Variants in NIBAN1 observed in about 807,000 individuals in gnomAD.
The protein encoded by NIBAN1 is niban apoptosis regulator 1, also known as protein Niban 1.
NIBAN1 carries 81 observed loss-of-function variants against 75.1 expected under a neutral mutation model. The observed-to-expected ratio is 1.08, with a 90% CI of 0.90 to 1.30. The LOEUF (loss-of-function observed/expected upper bound fraction) is 1.30. Among genes scored for constraint, NIBAN1 ranks in the 50% most tolerant of loss-of-function variants. The pLI is 0.00. For missense variants in NIBAN1, 1,133 were observed against 1,128.1 expected (o/e 1.00, Z -0.06); for synonymous variants, 436 against 424.8 (o/e 1.03, Z -0.32).
At chr1:184,926,224 A>G (rs1008223681) in intron 1 of NIBAN1, among the ~76,000 whole-genome samples, 2 of 151,908 alleles carry the variant, frequency 1.3e-5, no homozygotes, top group African/African-American at 4.8e-5. Context: ...GCTCCATCGT[A>G]TGTTTTTTAT....
chr1:184,828,817 T>G (rs1039636433), intron 6 of NIBAN1, among the ~76,000 whole-genome samples: 8 of 152,152 alleles, frequency 5.3e-5, no homozygotes, highest in Admixed American at 5.2e-4. Context: ...CCATTTTTTT[T>G]TTTTTTGAGA....
At chr1:184,970,603 C>G (rs1658911587) in intron 1 of NIBAN1, among the ~76,000 whole-genome samples, 1 of 152,212 alleles carries the variant, frequency 6.6e-6, no homozygotes, top group African/African-American at 2.4e-5. Context: ...TTATAAGCAT[C>G]AGATCATTGA....
At chr1:184,812,069 T>G (rs902209661) in intron 9 of NIBAN1, among the ~76,000 whole-genome samples, 1 of 152,180 alleles carries the variant, frequency 6.6e-6, no homozygotes, top group Non-Finnish European at 1.5e-5. Context: ...CTTTTCAGTG[T>G]CGCTGAAATG....
intron 1 of NIBAN1, among the ~76,000 whole-genome samples, chr1:184,903,914 T>C (rs1217895484): frequency 6.6e-6 from 1 of 151,224 alleles, no homozygotes; most frequent in Admixed American, 6.6e-5. Flanking sequence ...TTTTTTTTTT[T>C]AGACACAGTT....
rs141042792 is a variant in NIBAN1 at position 184,924,480 on chromosome 1, A to G, written c.56-25171T>C. On this transcript the variant is annotated intron_variant, in intron 1 of 13. Transcript: ENST00000367511. ...GTTGACGATTTTTGCATCAACATCC[A>G]TCAACAATATTGGCCTGTAGTTTTC... 2.4e-3 allele frequency among the ~76,000 whole-genome samples: 362 copies of G among 152,312 alleles called. 3 individuals carry two copies. Among genetic ancestry groups the G allele is most frequent in the Middle Eastern group, 0.01 (3 of 294 alleles).
chr1:184,815,291 T>C (rs983489100), intron 9 of NIBAN1, among the ~76,000 whole-genome samples: 14 of 152,190 alleles, frequency 9.2e-5, no homozygotes, highest in African/African-American at 3.1e-4. Flanking sequence ...CTTCATAATC[T>C]AGAACCTGAA....
intron 1 of NIBAN1, among the ~76,000 whole-genome samples, chr1:184,910,283 A>G (rs2102003789): frequency 6.6e-6 from 1 of 152,308 alleles, no homozygotes; most frequent in South Asian, 2.1e-4. Context: ...TTTGGATGGT[A>G]GCAGGTAGCA....
chr1:184,798,807 C>A (rs144725977), intron 12 of NIBAN1, among the ~76,000 whole-genome samples: 73 of 151,944 alleles, frequency 4.8e-4, no homozygotes, highest in African/African-American at 1.6e-3. Context: ...TGATTTTATA[C>A]CTATCATGAT....
chr1:184,823,111 G>A, intron 8 of NIBAN1, 56 bp downstream of exon 8: 2 of 1,565,322 alleles, frequency 1.3e-6, no homozygotes, highest in East Asian at 2.3e-5. Context: ...CTATGTGGTG[G>A]ATCCCTGCAT....
At chr1:184,867,203 C>A (rs889178830) in intron 5 of NIBAN1, among the ~76,000 whole-genome samples, 4 of 152,064 alleles carry the variant, frequency 2.6e-5, no homozygotes, top group African/African-American at 9.7e-5. Flanking sequence ...CAAACACACA[C>A]ACACACACAC....
At chr1:184,901,851 A>G (rs1368865427) in intron 1 of NIBAN1, among the ~76,000 whole-genome samples, 1 of 152,124 alleles carries the variant, frequency 6.6e-6, no homozygotes, top group Admixed American at 6.6e-5. Flanking sequence ...CACATCATCC[A>G]CCAGGTAGCG....
At chr1:184,866,762 C>G (rs537135598) in intron 5 of NIBAN1, among the ~76,000 whole-genome samples, 6 of 152,284 alleles carry the variant, frequency 3.9e-5, no homozygotes, top group African/African-American at 1.4e-4. Context: ...TGGCAACTCA[C>G]TCATCTATGC....
At chr1:184,870,470 G>T (rs1399491226) in intron 5 of NIBAN1, among the ~76,000 whole-genome samples, 1 of 152,094 alleles carries the variant, frequency 6.6e-6, no homozygotes, top group Non-Finnish European at 1.5e-5. Context: ...CCCTAAAATG[G>T]CTCTACAACT....
At chr1:184,828,061 T>C (rs1654894122) in intron 6 of NIBAN1, among the ~76,000 whole-genome samples, 1 of 148,382 alleles carries the variant, frequency 6.7e-6, no homozygotes, top group Non-Finnish European at 1.5e-5. Flanking sequence ...ATATATCACA[T>C]AGCTAGAGAT....
intron 4 of NIBAN1, among the ~76,000 whole-genome samples, chr1:184,889,046 G>A (rs1354524631): frequency 6.6e-6 from 1 of 152,128 alleles, no homozygotes; most frequent in Admixed American, 6.5e-5. Context: ...AAATTATTAT[G>A]TCCGTTAATA....
At position 184,795,772 on chromosome 1, in the gene NIBAN1, C is replaced by T. The variant is rs746177878; in HGVS notation, c.1992G>A (p.Val664=). The change falls in exon 14 of 14, where the codon GTG becomes GTA. Residue 664 remains valine (V), a synonymous_variant. Transcript: ENST00000367511. Reference sequence around the variant, plus strand: ...TGTCCTCTGTTGCCACAGGATTCACCACGGGGTCATCCACTCTTGAAATAA... The same window carrying T: ...TGTCCTCTGTTGCCACAGGATTCACTACGGGGTCATCCACTCTTGAAATAA... The part of the protein sequence containing the change: ...QVIISRVDDP[V]VNPVATEDTA... 5 of 1,611,700 alleles carry T rather than the reference C, an allele frequency of 3.1e-6. No homozygotes were observed. In the South Asian group the frequency reaches 5.5e-5, roughly 18 times the overall value.
intron 1 of NIBAN1, among the ~76,000 whole-genome samples, chr1:184,912,862 A>T (rs1464771584): frequency 6.6e-6 from 1 of 152,174 alleles, no homozygotes; most frequent in Non-Finnish European, 1.5e-5. Context: ...TCTTCAGGGC[A>T]GATGCAGCCA....
chr1:184,945,351 T>TCC (rs397828034), intron 1 of NIBAN1, among the ~76,000 whole-genome samples: 2 of 152,028 alleles, frequency 1.3e-5, no homozygotes, highest in Non-Finnish European at 1.5e-5. Flanking sequence ...CTTTTCACTC[T>TCC]GTAAAATATG....
At chr1:184,895,698 C>T (rs1395828643) in intron 2 of NIBAN1, among the ~76,000 whole-genome samples, 1 of 152,096 alleles carries the variant, frequency 6.6e-6, no homozygotes, top group Non-Finnish European at 1.5e-5. Context: ...ATTTTTCAAC[C>T]CTTACTCCCC....
Sources: allele counts gnomAD v4.1 joint callset (sites outside exome capture counted in the v4.1 genomes callset), GRCh38; gene constraint gnomAD v4.1.1; transcripts MANE v1.5; gene names NCBI Gene and HGNC (gene_info 2026-07-23, HGNC 2026-07-21).